Variants in DGKB observed in about 807,000 individuals in gnomAD.
The protein encoded by DGKB is 90 kDa diacylglycerol kinase.
In DGKB, 67 loss-of-function variants were observed where a neutral mutation model predicts 114.3. The ratio of observed to expected loss-of-function variants is 0.59; its 90% CI spans 0.48 to 0.72. DGKB has a LOEUF of 0.72. Ranked by LOEUF, DGKB falls within the 30% of genes least tolerant of loss-of-function variation. DGKB has a pLI of 0.00. For missense variants in DGKB, 907 were observed against 975.2 expected (o/e 0.93, Z 0.93); for synonymous variants, 398 against 323.1 (o/e 1.23, Z -2.49).
chr7:14,249,612 T>C (rs537190441), intron 23 of DGKB, among the ~76,000 whole-genome samples: 1 of 152,286 alleles, frequency 6.6e-6, no homozygotes, highest in South Asian at 2.1e-4. Flanking sequence ...CAAGGTTATC[T>C]AATTTGTCAA....
chr7:14,176,016 T>C (rs1384988204), intron 25 of DGKB: 1 of 152,078 alleles, frequency 6.6e-6, no homozygotes, highest in Non-Finnish European at 1.5e-5. Flanking sequence ...CTTTTGGCTA[T>C]GTCCTTTCAA....
At chr7:14,529,664 T>C (rs370859134) in intron 20 of DGKB, among the ~76,000 whole-genome samples, 1 of 151,932 alleles carries the variant, frequency 6.6e-6, no homozygotes, top group East Asian at 1.9e-4. Flanking sequence ...GATAATGCTC[T>C]CAAAACTAAA....
chr7:14,894,628 C>T (rs1020015416), intron 1 of DGKB, among the ~76,000 whole-genome samples: 10 of 151,522 alleles, frequency 6.6e-5, no homozygotes, highest in Non-Finnish European at 1.3e-4. Context: ...ACTGAAAGTG[C>T]TCTTTCACTT....
chr7:14,705,715 A>G (rs1292415523), intron 6 of DGKB, among the ~76,000 whole-genome samples: 1 of 151,062 alleles, frequency 6.6e-6, no homozygotes, highest in African/African-American at 2.4e-5. Flanking sequence ...CAGCCAAACT[A>G]AGCTTCATAA....
chr7:14,227,277 G>C (rs1790951433), intron 23 of DGKB, among the ~76,000 whole-genome samples: 1 of 151,952 alleles, frequency 6.6e-6, no homozygotes, highest in African/African-American at 2.4e-5. Flanking sequence ...CAAACTTCAT[G>C]CACACCACAC....
intron 23 of DGKB, among the ~76,000 whole-genome samples, chr7:14,238,604 G>T (rs945666772): frequency 6.6e-6 from 1 of 151,640 alleles, no homozygotes; most frequent in African/African-American, 2.4e-5. Flanking sequence ...AGCAATGATC[G>T]TAGCAAATCA....
At chr7:14,824,097 G>T (rs1845323597) in intron 2 of DGKB, among the ~76,000 whole-genome samples, 1 of 152,046 alleles carries the variant, frequency 6.6e-6, no homozygotes. Flanking sequence ...CAGATCTCAT[G>T]AGACTTATTC....
At chr7:14,763,329 C>T (rs1413391514) in intron 2 of DGKB, among the ~76,000 whole-genome samples, 1 of 152,104 alleles carries the variant, frequency 6.6e-6, no homozygotes, top group African/African-American at 2.4e-5. Context: ...ATCTACATCT[C>T]ATTTGTGCAT....
chr7:14,961,754 T>G (rs1427763679), intron 1 of DGKB, among the ~76,000 whole-genome samples: 1 of 152,154 alleles, frequency 6.6e-6, no homozygotes, highest in African/African-American at 2.4e-5. Flanking sequence ...AAATCCAAAC[T>G]GTGGTCTGAA....
intron 23 of DGKB, among the ~76,000 whole-genome samples, chr7:14,280,204 G>A (rs1413711225): frequency 4.6e-5 from 7 of 152,206 alleles, no homozygotes; most frequent in South Asian, 2.1e-4. Flanking sequence ...CGAGAACTAC[G>A]TGAGGAATGC....
At chr7:14,227,863 A>G (rs1791069336) in intron 23 of DGKB, among the ~76,000 whole-genome samples, 1 of 152,040 alleles carries the variant, frequency 6.6e-6, no homozygotes. Flanking sequence ...ATATAAGATC[A>G]TATCTATGTT....
intron 21 of DGKB, among the ~76,000 whole-genome samples, chr7:14,437,099 T>A (rs2128803889): frequency 6.6e-6 from 1 of 152,230 alleles, no homozygotes; most frequent in African/African-American, 2.4e-5. Context: ...CTATAAATTT[T>A]ATTTTTGGAA....
At chr7:14,847,118 G>A (rs557015523) in intron 1 of DGKB, among the ~76,000 whole-genome samples, 45 of 152,060 alleles carry the variant, frequency 3.0e-4, no homozygotes, top group Non-Finnish European at 4.9e-4. Flanking sequence ...GTGAAACCCC[G>A]TCTCTACTAA....
intron 13 of DGKB, among the ~76,000 whole-genome samples, chr7:14,640,074 C>T (rs1811461024): frequency 6.6e-6 from 1 of 152,112 alleles, no homozygotes; most frequent in Non-Finnish European, 1.5e-5. Context: ...GACAAACAGC[C>T]CTTTCACTGG....
intron 20 of DGKB, among the ~76,000 whole-genome samples, chr7:14,567,400 A>T (rs1490761316): frequency 2.5e-5 from 1 of 40,694 alleles, no homozygotes; most frequent in Non-Finnish European, 4.0e-5. Flanking sequence ...ATATAATTAT[A>T]TTATATATAT....
chr7:14,199,301 A>T (rs1327846510), intron 23 of DGKB, among the ~76,000 whole-genome samples: 1 of 152,040 alleles, frequency 6.6e-6, no homozygotes, highest in Non-Finnish European at 1.5e-5. Context: ...TTGGCTACAA[A>T]TATTAAAGTG....
At chr7:14,501,253 A>T (rs1786122710) in intron 20 of DGKB, among the ~76,000 whole-genome samples, 1 of 151,938 alleles carries the variant, frequency 6.6e-6, no homozygotes, top group African/African-American at 2.4e-5. Context: ...AGAACTCTTA[A>T]GAGAATGCTT....
chr7:14,914,851 A>C (rs933531661), intron 1 of DGKB, among the ~76,000 whole-genome samples: 5 of 152,104 alleles, frequency 3.3e-5, no homozygotes, highest in African/African-American at 1.2e-4. Context: ...TAGAAAAAAA[A>C]AACAACACCA....
At chr7:14,883,257 T>C (rs892348559) in intron 1 of DGKB, among the ~76,000 whole-genome samples, 2 of 151,934 alleles carry the variant, frequency 1.3e-5, no homozygotes, top group African/African-American at 4.8e-5. Flanking sequence ...ACATATACAA[T>C]ATATACCTAT....
Sources: allele counts gnomAD v4.1 joint callset (sites outside exome capture counted in the v4.1 genomes callset), GRCh38; gene constraint gnomAD v4.1.1; transcripts MANE v1.5; gene names NCBI Gene and HGNC (gene_info 2026-07-23, HGNC 2026-07-21).